PLCB4: variants seen among roughly 807,000 people sequenced by gnomAD.
PLCB4 encodes phospholipase C beta 4, also known as 1-phosphatidylinositol 4,5-bisphosphate phosphodiesterase beta-4.
PLCB4 carries 77 observed loss-of-function variants against 178.8 expected under a neutral mutation model. The ratio of observed to expected loss-of-function variants is 0.43; its 90% CI spans 0.36 to 0.52. PLCB4 has a LOEUF of 0.52. Among genes scored for constraint, PLCB4 ranks in the 20% least tolerant of loss-of-function variants. The probability of loss-of-function intolerance (pLI) is 0.00; values close to 1 mark genes in which losing one functional copy is unlikely to be tolerated. For synonymous variants in PLCB4, 496 were observed against 490.8 expected (o/e 1.01, Z -0.14); for missense variants, 1,024 against 1,453.4 (o/e 0.70, Z 4.80).
At chr20:9,351,764 CA>C (rs1259741276) in intron 7 of PLCB4, among the ~76,000 whole-genome samples, 2 of 152,162 alleles carry the variant, frequency 1.3e-5, no homozygotes, top group African/African-American at 4.8e-5. Flanking sequence ...AAGAGTTAGA[CA>C]AAGGCTTCTT....
chr20:9,253,731 G>A (rs2094205198), intron 3 of PLCB4, among the ~76,000 whole-genome samples: 1 of 152,176 alleles, frequency 6.6e-6, no homozygotes, highest in African/African-American at 2.4e-5. Context: ...GTGATTTAAT[G>A]ACCATATTTG....
intron 27 of PLCB4, among the ~76,000 whole-genome samples, chr20:9,423,349 C>T (rs1256094358): frequency 6.6e-6 from 1 of 152,166 alleles, no homozygotes; most frequent in Non-Finnish European, 1.5e-5. Context: ...TAGATGTCAG[C>T]AATATGCCAG....
intron 2 of PLCB4, among the ~76,000 whole-genome samples, chr20:9,098,511 A>G (rs1050332196): frequency 1.3e-5 from 2 of 151,850 alleles, no homozygotes; most frequent in African/African-American, 2.4e-5. Flanking sequence ...CATTCTGGAA[A>G]AGGCTCCTCA....
At chr20:9,263,189 G>A (rs145618083) in intron 3 of PLCB4, among the ~76,000 whole-genome samples, 1,834 of 152,248 alleles carry the variant, frequency 0.012, 14 homozygotes, top group Non-Finnish European at 0.019. Context: ...GTCAGCACTG[G>A]CCAGGGGCAA....
At chr20:9,186,869 G>A (rs1347854488) in intron 2 of PLCB4, among the ~76,000 whole-genome samples, 1 of 152,088 alleles carries the variant, frequency 6.6e-6, no homozygotes, top group Non-Finnish European at 1.5e-5. Flanking sequence ...TGCCTCTGAT[G>A]GTTTGCCTGT....
At chr20:9,071,707 G>A (rs1026845564) in intron 1 of PLCB4, among the ~76,000 whole-genome samples, 6 of 151,876 alleles carry the variant, frequency 4.0e-5, no homozygotes, top group Non-Finnish European at 8.8e-5. Context: ...TTATCTTTTC[G>A]GATTAGAGCA....
chr20:9,071,197 TATTTC>T, intron 1 of PLCB4, among the ~76,000 whole-genome samples: 1 of 152,192 alleles, frequency 6.6e-6, no homozygotes, highest in Non-Finnish European at 1.5e-5. Context: ...ACCTCTGAAA[TATTTC>T]AACCACAGCA....
chr20:9,169,668 G>GGGAAGGAA (rs2093032275), intron 2 of PLCB4, among the ~76,000 whole-genome samples: 1 of 152,060 alleles, frequency 6.6e-6, no homozygotes, highest in Non-Finnish European at 1.5e-5. Flanking sequence ...AACTCCTGAA[G>GGGAAGGAA]GGAAGGAAGT....
chr20:9,324,555 G>C (rs1410108781), intron 4 of PLCB4, among the ~76,000 whole-genome samples: 1 of 152,114 alleles, frequency 6.6e-6, no homozygotes, highest in Non-Finnish European at 1.5e-5. Flanking sequence ...AAATGTCTTG[G>C]GGGTTTGTTT....
At chr20:9,271,360 G>A (rs1293702597) in intron 3 of PLCB4, among the ~76,000 whole-genome samples, 2 of 152,114 alleles carry the variant, frequency 1.3e-5, no homozygotes, top group African/African-American at 4.8e-5. Flanking sequence ...TATCAGGTAG[G>A]TAGTAGTGTT....
At chr20:9,183,225 T>A (rs1384422614) in intron 2 of PLCB4, among the ~76,000 whole-genome samples, 1 of 152,100 alleles carries the variant, frequency 6.6e-6, no homozygotes, top group Non-Finnish European at 1.5e-5. Context: ...GTATTGTTGG[T>A]GTCCCAGCCA....
chr20:9,267,970 G>T (rs1009895369), intron 3 of PLCB4, among the ~76,000 whole-genome samples: 8 of 152,130 alleles, frequency 5.3e-5, no homozygotes, highest in African/African-American at 9.7e-5. Context: ...ACATGGTTAG[G>T]TGTCTCTTTC....
chr20:9,390,689 A>T (rs541209672), intron 17 of PLCB4, 74 bp downstream of exon 17: 1 of 703,814 alleles, frequency 1.4e-6, no homozygotes, highest in Non-Finnish European at 2.6e-6. Flanking sequence ...GTCAAGTAGT[A>T]CTAGAGGACT....
intron 2 of PLCB4, among the ~76,000 whole-genome samples, chr20:9,211,138 C>T (rs1407283648): frequency 6.6e-6 from 1 of 152,120 alleles, no homozygotes; most frequent in Admixed American, 6.5e-5. Context: ...TTAGGTGCTA[C>T]AGAACAAAGC....
intron 2 of PLCB4, among the ~76,000 whole-genome samples, chr20:9,151,166 T>A (rs1002406460): frequency 3.3e-5 from 5 of 152,220 alleles, no homozygotes; most frequent in Middle Eastern, 3.4e-3. Flanking sequence ...GCATAACAAA[T>A]ATTTATGTAG....
chr20:9,208,934 T>C (rs1374944776), intron 2 of PLCB4, among the ~76,000 whole-genome samples: 1 of 152,212 alleles, frequency 6.6e-6, no homozygotes, highest in East Asian at 1.9e-4. Context: ...GCAGTTTAAA[T>C]TGGTTAACAC....
rs140050954 is a variant in PLCB4, at chr20:9,459,772, C to T, written c.3210C>T (p.His1070=). ...ELLKKLLINA[H]EQQTQQLKLS... is the part of the protein sequence containing the mutation. ...TGAAAAAGCTACTCATCAATGCCCACGAGCAGCAAACCCAGCAGCTGAAAC... is the reference window on the plus strand; with the variant it reads ...TGAAAAAGCTACTCATCAATGCCCATGAGCAGCAAACCCAGCAGCTGAAAC... The change falls in exon 35 of 40, where the codon CAC becomes CAT. Residue 1070 remains histidine (H), a synonymous_variant. Transcript: ENST00000378473. The T allele has an allele frequency of 1.0e-4, 166 of 1,611,970 alleles. 3 individuals carry two copies. Among genetic ancestry groups the T allele is most frequent in the East Asian group, 1.8e-4 (8 of 44,784 alleles).
At chr20:9,434,729 A>G (rs1200610257) in intron 28 of PLCB4, among the ~76,000 whole-genome samples, 2 of 152,114 alleles carry the variant, frequency 1.3e-5, no homozygotes, top group Non-Finnish European at 2.9e-5. Flanking sequence ...AAAAAAATTG[A>G]AACCTAGAGA....
intron 1 of PLCB4, among the ~76,000 whole-genome samples, chr20:9,081,916 T>C (rs1600269387): frequency 6.6e-6 from 1 of 152,050 alleles, no homozygotes; most frequent in East Asian, 1.9e-4. Flanking sequence ...GAAAATTCTA[T>C]ATCCATTATT....
Sources: gnomAD v4.1 joint callset for allele counts (sites outside exome capture counted in the v4.1 genomes callset) on GRCh38, gnomAD v4.1.1 for gene constraint, MANE v1.5 for transcripts, NCBI Gene and HGNC (gene_info 2026-07-23, HGNC 2026-07-21) for gene names.